GALNT6: variants seen among roughly 807,000 people sequenced by gnomAD.
The protein encoded by GALNT6 is GalNAc transferase 6.
A neutral mutation model predicts 65.9 loss-of-function variants in GALNT6; 51 were observed. The observed-to-expected ratio is 0.77, with a 90% CI of 0.62 to 0.98. The LOEUF (loss-of-function observed/expected upper bound fraction) is 0.98. Among genes scored for constraint, GALNT6 ranks in the 50% least tolerant of loss-of-function variants. GALNT6 has a pLI of 0.00. For synonymous variants in GALNT6, 323 were observed against 315.1 expected, an observed-to-expected ratio of 1.02 and a Z score of -0.26; for missense variants, 708 against 803.3, an observed-to-expected ratio of 0.88 and a Z score of 1.43.
chr12:51,359,958 T>G (rs563726773), intron 7 of GALNT6: 1 of 152,244 alleles, frequency 6.6e-6, no homozygotes, highest in Non-Finnish European at 1.5e-5. Context: ...TGGGAAAGTA[T>G]GTTGTTATTC....
intron 2 of GALNT6, among the ~76,000 whole-genome samples, chr12:51,382,039 G>T (rs186092864): frequency 6.6e-6 from 1 of 152,340 alleles, no homozygotes; most frequent in Admixed American, 6.5e-5. Context: ...TGGGGAGGTG[G>T]ATTCATTCTG....
chr12:51,354,753 G>A (rs953910473), intron 11 of GALNT6, among the ~76,000 whole-genome samples: 1 of 152,140 alleles, frequency 6.6e-6, no homozygotes, highest in African/African-American at 2.4e-5. Context: ...AGAGAAAAAT[G>A]CTTTCAGGGC....
Position 51,382,100 on chromosome 12 carries a change from G to A in GALNT6, c.-103-2216C>T, listed in dbSNP as rs138846369. On this transcript the variant is annotated intron_variant, in intron 2 of 11. Transcript: ENST00000356317. ...TTATAACATCAGATTCAGCAGCACC[G>A]TCAAAAATCAAACAAAAGAAATCTC... Among the ~76,000 whole-genome samples the A allele has an allele frequency of 5.9e-3, 899 of 152,270 alleles. 3 individuals are homozygous for A. Among genetic ancestry groups the A allele is most frequent in the Middle Eastern group, 0.01 (3 of 294 alleles).
intron 4 of GALNT6, among the ~76,000 whole-genome samples, chr12:51,370,036 A>C (rs946945927): frequency 2.0e-5 from 3 of 152,248 alleles, no homozygotes; most frequent in African/African-American, 7.2e-5. Flanking sequence ...CCTTAAAAAA[A>C]ACTAAAGACA....
At chr12:51,375,470 C>G (rs540712539) in intron 4 of GALNT6, among the ~76,000 whole-genome samples, 2 of 152,246 alleles carry the variant, frequency 1.3e-5, no homozygotes, top group South Asian at 4.1e-4. Flanking sequence ...TTGTGACACT[C>G]TTACTTGATG....
At chr12:51,377,808 A>G (rs1565729326) in intron 3 of GALNT6, among the ~76,000 whole-genome samples, 1 of 152,250 alleles carries the variant, frequency 6.6e-6, no homozygotes, top group Non-Finnish European at 1.5e-5. Flanking sequence ...TATGATTTCC[A>G]TACTCAATGA....
At chr12:51,363,140 T>G (rs1406958526) in intron 6 of GALNT6, among the ~76,000 whole-genome samples, 3 of 152,224 alleles carry the variant, frequency 2.0e-5, no homozygotes, top group Non-Finnish European at 4.4e-5. Flanking sequence ...TATATTCAGT[T>G]GAGCCTTAAG....
intron 4 of GALNT6, 43 bp downstream of exon 4, chr12:51,377,152 A>G (rs776078038): frequency 1.3e-6 from 2 of 1,585,932 alleles, no homozygotes; most frequent in Non-Finnish European, 1.7e-6. Context: ...TTGAGTGCCC[A>G]GGGGAGACCC....
At position 51,353,443 on chromosome 12, in the gene GALNT6, C is replaced by T. The variant is rs1946663116; in HGVS notation, c.*936G>A. Reference sequence around the variant, plus strand: ...GGGGTGCAATGGTGCTGTCTTGGCTCACTGCAACCTCTGCCTCCTGGGTTC... The same window carrying T: ...GGGGTGCAATGGTGCTGTCTTGGCTTACTGCAACCTCTGCCTCCTGGGTTC... On this transcript the variant is annotated 3_prime_UTR_variant, in exon 12 of 12. Coordinates refer to ENST00000356317, the MANE Select transcript of GALNT6 (RefSeq NM_007210.4). 1 of 150,220 alleles carries T rather than the reference C, an allele frequency of 6.7e-6. No individual in the cohort carries two copies. Among genetic ancestry groups the T allele is most frequent in the Non-Finnish European group, 1.5e-5 (1 of 67,940 alleles). 9.3% of individuals were successfully genotyped at this position (150,220 alleles called of 1,614,324 possible). A position where few individuals can be genotyped will look rare whatever the true frequency, so the allele number is the denominator to read the frequency against.
intron 4 of GALNT6, among the ~76,000 whole-genome samples, chr12:51,374,588 G>A (rs902141865): frequency 1.3e-5 from 2 of 152,144 alleles, no homozygotes; most frequent in Non-Finnish European, 2.9e-5. Flanking sequence ...TGGCCCCAGC[G>A]CTTACACTGG....
intron 2 of GALNT6, among the ~76,000 whole-genome samples, chr12:51,388,306 C>T (rs150671665): frequency 1.2e-4 from 18 of 152,312 alleles, no homozygotes; most frequent in African/African-American, 4.3e-4. Context: ...CTCTCTTTCA[C>T]AATCAGGACA....
Position 51,387,132 on chromosome 12 carries a change from C to G in GALNT6, c.-104+3718G>C, listed in dbSNP as rs1947869390. 6.6e-6 allele frequency among the ~76,000 whole-genome samples: 1 copy of G among 151,520 alleles called. No individual in the cohort carries two copies. Among genetic ancestry groups the G allele is most frequent in the South Asian group, 2.1e-4 (1 of 4,800 alleles). On this transcript the variant is annotated intron_variant, in intron 2 of 11. Transcript: ENST00000356317. This position sits in a 1 kb window ranked among gnomAD's most constrained non-coding sequence, Gnocchi z 4.2. The stretch of plus-strand genomic sequence containing the variant: ...TTTTTTTTTGAGATGGAGTCTCATT[C>G]TGTTGCCCATACTGGAGTGCAGTGG...
chr12:51,377,116 C>T (rs1231970372), intron 4 of GALNT6, 79 bp downstream of exon 4: 1 of 1,239,140 alleles, frequency 8.1e-7, no homozygotes, highest in Non-Finnish European at 1.2e-6. Flanking sequence ...GGTGCCTGCT[C>T]CCTTGAAAGG....
intron 2 of GALNT6, 112 bp from the exon 3 acceptor site, chr12:51,379,996 T>G (rs1947610286): frequency 5.3e-6 from 3 of 570,278 alleles, no homozygotes; most frequent in Non-Finnish European, 9.3e-6. Context: ...ATCACCTTAT[T>G]GGCCACAACT....
At chr12:51,364,066 TG>T in intron 6 of GALNT6, 54 bp downstream of exon 6, 2 of 1,217,974 alleles carry the variant, frequency 1.6e-6, no homozygotes, top group Middle Eastern at 1.9e-4. Flanking sequence ...CACAGGTTCC[TG>T]GAACTGGGTA....
At chr12:51,376,633 C>CAA (rs35109462) in intron 4 of GALNT6, among the ~76,000 whole-genome samples, 6 of 83,974 alleles carry the variant, frequency 7.1e-5, no homozygotes, top group African/African-American at 1.9e-4. Context: ...AACTCCATCT[C>CAA]AAAAAAAAAA....
chr12:51,367,310 C>T (rs1177673301), intron 4 of GALNT6, among the ~76,000 whole-genome samples: 1 of 150,282 alleles, frequency 6.7e-6, no homozygotes, highest in East Asian at 1.9e-4. Context: ...TGGCGCACAC[C>T]TGTAAACCCA....
intron 11 of GALNT6, among the ~76,000 whole-genome samples, chr12:51,354,979 G>C (rs1042637363): frequency 6.6e-6 from 1 of 152,158 alleles, no homozygotes; most frequent in Non-Finnish European, 1.5e-5. Context: ...GCAGTGTGGT[G>C]TAATGGAAAG....
At chr12:51,368,711 T>C (rs1356648383) in intron 4 of GALNT6, among the ~76,000 whole-genome samples, 1 of 146,434 alleles carries the variant, frequency 6.8e-6, no homozygotes, top group Non-Finnish European at 1.5e-5. Flanking sequence ...CCGCCCACTT[T>C]TTCCTTCTTC....
Sources: gnomAD v4.1 joint callset for allele counts (sites outside exome capture counted in the v4.1 genomes callset) on GRCh38, gnomAD v4.1.1 for gene constraint, Gnocchi (gnomAD v3.1) non-coding constraint, MANE v1.5 for transcripts, NCBI Gene and HGNC (gene_info 2026-07-23, HGNC 2026-07-21) for gene names.